Variants in ZC3H12C observed in about 807,000 individuals in gnomAD.
ZC3H12C encodes the protein probable ribonuclease ZC3H12C.
In ZC3H12C, 20 loss-of-function variants were observed where a neutral mutation model predicts 76.3. That is an observed-to-expected ratio of 0.26 (90% CI 0.18 to 0.38). The LOEUF (loss-of-function observed/expected upper bound fraction) is 0.38, where lower values mean the gene tolerates loss of function less well. Ranked by LOEUF, ZC3H12C falls within the 10% of genes least tolerant of loss-of-function variation. The pLI, the probability that ZC3H12C is intolerant of heterozygous loss-of-function variation, is 1.00. For synonymous variants in ZC3H12C, 352 were observed against 399.6 expected (o/e 0.88, Z 1.42); for missense variants, 874 against 1,086.5 (o/e 0.80, Z 2.75).
intron 3 of ZC3H12C, among the ~76,000 whole-genome samples, chr11:110,157,326 G>A (rs144747961): frequency 6.6e-6 from 1 of 151,964 alleles, no homozygotes; most frequent in African/African-American, 2.4e-5. Flanking sequence ...TCTATCAACT[G>A]CATTTGACAA....
intron 1 of ZC3H12C, among the ~76,000 whole-genome samples, chr11:110,118,401 C>T (rs1194136731): frequency 3.9e-5 from 6 of 151,986 alleles, no homozygotes; most frequent in African/African-American, 7.2e-5. Flanking sequence ...ATAGGTGTTT[C>T]TTTAGACATG....
At chr11:110,156,244 G>T (rs1386131859) in intron 3 of ZC3H12C, among the ~76,000 whole-genome samples, 1 of 152,002 alleles carries the variant, frequency 6.6e-6, no homozygotes, top group East Asian at 1.9e-4. Context: ...AAATTGAGTA[G>T]CCCAATACTC....
chr11:110,136,681 A>G lies in ZC3H12C; in HGVS notation c.40A>G (p.Ile14Val), dbSNP rs552818767. Residue 14 changes from isoleucine to valine, a missense_variant, in exon 2 of 6, where the codon ATT becomes GTT. Ile to Val is a conservative substitution (Grantham distance 29). Transcript: ENST00000278590. Reference sequence around the variant, plus strand: ...TCTCTAGGAATACGGGGTGCTTTGCATTCAGGAATACAGAAAAAACAGCAA... The same window carrying G: ...TCTCTAGGAATACGGGGTGCTTTGCGTTCAGGAATACAGAAAAAACAGCAA... ...GGSQEYGVLC[I>V]QEYRKNSKVE... 1.2e-6 allele frequency: 2 copies of G among 1,613,418 alleles called. No individual in the cohort carries two copies. The highest frequency in any genetic ancestry group is 2.7e-5 in the African/African-American group (2 of 75,032).
chr11:110,094,392 T>C (rs1024615788), intron 1 of ZC3H12C, among the ~76,000 whole-genome samples: 1 of 152,234 alleles, frequency 6.6e-6, no homozygotes, highest in Non-Finnish European at 1.5e-5. Context: ...AAGTATTGTA[T>C]GTTTAGGAAT....
chr11:110,163,475 C>A, intron 5 of ZC3H12C, 96 bp downstream of exon 5: 1 of 914,888 alleles, frequency 1.1e-6, no homozygotes, highest in Non-Finnish European at 1.6e-6. Context: ...TTTTGGATGG[C>A]ATAATATGCA....
intron 4 of ZC3H12C, 55 bp downstream of exon 4, chr11:110,159,545 C>A: frequency 2.1e-6 from 3 of 1,399,652 alleles, no homozygotes; most frequent in South Asian, 1.3e-5. Context: ...ATATAACTAT[C>A]CCTGGCAGCT....
At chr11:110,131,045 TG>T in intron 1 of ZC3H12C, 1 of 1,535,856 alleles carries the variant, frequency 6.5e-7, no homozygotes, top group African/African-American at 1.4e-5. Context: ...GCTAAAATTG[TG>T]TTAAGGAGTT....
At chr11:110,093,528 G>A in intron 1 of ZC3H12C, 96 bp downstream of exon 1, 1 of 949,506 alleles carries the variant, frequency 1.1e-6, no homozygotes, top group Non-Finnish European at 1.3e-6. Context: ...GCGCCCGGGC[G>A]CCAGGCGGAG....
intron 1 of ZC3H12C, among the ~76,000 whole-genome samples, chr11:110,127,493 CA>C (rs1861771280): frequency 6.6e-6 from 1 of 152,062 alleles, no homozygotes; most frequent in South Asian, 2.1e-4. Flanking sequence ...CTTTTTTTAA[CA>C]CTCAAAAATA....
At chr11:110,145,178 C>T (rs1190542485) in intron 2 of ZC3H12C, among the ~76,000 whole-genome samples, 3 of 152,108 alleles carry the variant, frequency 2.0e-5, no homozygotes, top group African/African-American at 7.2e-5. Flanking sequence ...GCATAATTCT[C>T]CGGTGGCAAT....
intron 2 of ZC3H12C, among the ~76,000 whole-genome samples, chr11:110,138,056 C>A (rs896676580): frequency 2.0e-5 from 3 of 151,734 alleles, no homozygotes; most frequent in Non-Finnish European, 4.4e-5. Context: ...GAGTTTGAGA[C>A]CAGCCTGAGC....
rs776917208 is a variant in ZC3H12C at position 110,165,302 on chromosome 11, A to G, written c.2217A>G (p.Leu739=). The change falls in exon 6 of 6, where the codon CTA becomes CTG. Residue 739 remains leucine (L), a synonymous_variant. Transcript: ENST00000278590. ...PSSAHSKAPH[L]GRSLVATRID... ...CAGCACACTCTAAGGCACCACACCTAGGGAGGTCCTTGGTGGCCACGAGAA... is the reference window on the plus strand; with the variant it reads ...CAGCACACTCTAAGGCACCACACCTGGGGAGGTCCTTGGTGGCCACGAGAA... The G allele has an allele frequency of 1.9e-6, 3 of 1,613,852 alleles. No homozygotes were observed. The African/African-American group carries it at 4.0e-5, about 22-fold the overall frequency.
chr11:110,119,558 G>T, intron 1 of ZC3H12C, among the ~76,000 whole-genome samples: 1 of 152,122 alleles, frequency 6.6e-6, no homozygotes, highest in East Asian at 1.9e-4. Flanking sequence ...GCTGTTCCAT[G>T]AGCACACCAT....
chr11:110,116,039 C>T (rs756886016), intron 1 of ZC3H12C, among the ~76,000 whole-genome samples: 6 of 152,126 alleles, frequency 3.9e-5, no homozygotes, highest in Non-Finnish European at 7.3e-5. Flanking sequence ...GGATTACAGG[C>T]GTGAGCCACC....
At chr11:110,128,657 A>G (rs1468170323) in intron 1 of ZC3H12C, among the ~76,000 whole-genome samples, 2 of 152,070 alleles carry the variant, frequency 1.3e-5, no homozygotes, top group African/African-American at 4.8e-5. Flanking sequence ...ATAAATACTG[A>G]CCTCAGTGTC....
At chr11:110,142,348 A>G (rs1299641092) in intron 2 of ZC3H12C, among the ~76,000 whole-genome samples, 3 of 152,186 alleles carry the variant, frequency 2.0e-5, no homozygotes, top group Non-Finnish European at 4.4e-5. Flanking sequence ...TAGTAATCCT[A>G]TTACATAGAA....
At chr11:110,133,931 A>C (rs1353336836) in intron 1 of ZC3H12C, among the ~76,000 whole-genome samples, 1 of 152,222 alleles carries the variant, frequency 6.6e-6, no homozygotes, top group Admixed American at 6.5e-5. Context: ...TTTAAGCAGA[A>C]CATTTTGTTC....
intron 2 of ZC3H12C, among the ~76,000 whole-genome samples, chr11:110,150,864 T>G (rs1353369744): frequency 2.0e-5 from 3 of 152,202 alleles, no homozygotes; most frequent in Non-Finnish European, 4.4e-5. Flanking sequence ...TAATAACTTT[T>G]CTGCTCCTAA....
In ZC3H12C at chr11:110,165,448, G is replaced by C. The variant is rs1191947403; in HGVS notation, c.2363G>C (p.Gly788Ala). The C allele has an allele frequency of 1.2e-6, 2 of 1,613,972 alleles. No individual in the cohort carries two copies. The change falls in exon 6 of 6, where the codon GGG becomes GCG. Residue 788 changes from glycine (G) to alanine (A), a missense_variant. By Grantham distance (60) the Gly-to-Ala change is moderately conservative. Transcript: ENST00000278590. Reference protein sequence around the residue: ...ERPGYGIDAYGYRQTYSLPDN... With the variant: ...ERPGYGIDAYAYRQTYSLPDN... Reference sequence around the variant, plus strand: ...CCAGGCTATGGGATCGACGCCTATGGGTACCGGCAGACTTATTCCTTGCCC... The same window carrying C: ...CCAGGCTATGGGATCGACGCCTATGCGTACCGGCAGACTTATTCCTTGCCC...
Sources: allele counts gnomAD v4.1 joint callset (sites outside exome capture counted in the v4.1 genomes callset), GRCh38; gene constraint gnomAD v4.1.1; transcripts MANE v1.5; gene names NCBI Gene and HGNC (gene_info 2026-07-23, HGNC 2026-07-21).